The following WRAP53 variants were observed in gnomAD, a reference collection of about 807,000 sequenced individuals.
WRAP53 encodes the protein WD repeat containing antisense to TP53.
WRAP53 carries 28 observed loss-of-function variants against 56.6 expected under a neutral mutation model. That is an observed-to-expected ratio of 0.50 (90% CI 0.37 to 0.68). WRAP53 has a LOEUF of 0.68. Ranked by LOEUF, WRAP53 falls within the 30% of genes least tolerant of loss-of-function variation. The pLI is 0.00. For synonymous variants in WRAP53, 283 were observed against 283.4 expected, an observed-to-expected ratio of 1.00 and a Z score of 0.01; for missense variants, 671 against 715.5, an observed-to-expected ratio of 0.94 and a Z score of 0.71.
At chr17:7,692,807 A>G (rs11651093) in intron 4 of WRAP53, among the ~76,000 whole-genome samples, 7,247 of 130,830 alleles carry the variant, frequency 0.055, 425 homozygotes, top group African/African-American at 0.17. Context: ...GCTGGAGTGC[A>G]GTGGCGCCAT....
rs2074244101 is a variant in WRAP53, at chr17:7,699,515, T to TAA, written c.643-1225_643-1224insAA. 1.2e-4 allele frequency among the ~76,000 whole-genome samples: 3 copies of TAA among 25,962 alleles called. 1 individual carries two copies. The highest frequency in any genetic ancestry group is 1.1e-3 in the South Asian group (1 of 880). The allele number at this position is 25,962 out of a possible 152,430, so 17.0% of individuals were successfully genotyped here. A position where few individuals can be genotyped will look rare whatever the true frequency, so the allele number is the denominator to read the frequency against. ...ATATATATATATTTATATATATATATATATATTTATATATATATATATATT... is the reference window on the plus strand; with the variant it reads ...ATATATATATATTTATATATATATATAAATATATTTATATATATATATATATT... On this transcript the variant is annotated intron_variant, in intron 4 of 10. Transcript: ENST00000396463.
Position 7,691,534 on chromosome 17 carries a change from C to T in WRAP53, c.642+1833C>T, listed in dbSNP as rs530433795. On this transcript the variant is annotated intron_variant, in intron 4 of 10. Coordinates refer to ENST00000396463, the MANE Select transcript of WRAP53 (RefSeq NM_001143992.2). ...CCTCCCGAGTAGCTGGGATTACAGG[C>T]ACCCGCCACCATGCCCAGCTAATTT... is the stretch of plus-strand genomic sequence containing the variant. 2.0e-5 allele frequency among the ~76,000 whole-genome samples: 3 copies of T among 151,730 alleles called. No homozygotes were observed. In the South Asian group the frequency reaches 6.3e-4, roughly 32 times the overall value.
intron 4 of WRAP53, among the ~76,000 whole-genome samples, chr17:7,700,494 AAAC>A (rs900762840): frequency 1.3e-5 from 2 of 151,716 alleles, no homozygotes; most frequent in Non-Finnish European, 2.9e-5. Flanking sequence ...TTAAAAAAAA[AAAC>A]AAAAACAAAA....
chr17:7,697,526 G>A (rs960766606), intron 4 of WRAP53, among the ~76,000 whole-genome samples: 2 of 152,060 alleles, frequency 1.3e-5, no homozygotes, highest in South Asian at 4.1e-4. Flanking sequence ...GGGCGTGGTG[G>A]CAAATGCCTG....
chr17:7,692,096 T>G (rs906748844), intron 4 of WRAP53, among the ~76,000 whole-genome samples: 1 of 151,240 alleles, frequency 6.6e-6, no homozygotes, highest in African/African-American at 2.4e-5. Flanking sequence ...CACCTTGGCC[T>G]CCCAAAGTGC....
Position 7,689,013 on chromosome 17 carries a change from A to G in WRAP53, c.365A>G (p.Glu122Gly), listed in dbSNP as rs1318273946. 1.9e-6 allele frequency: 3 copies of G among 1,614,130 alleles called. No individual in the cohort carries two copies. Among genetic ancestry groups the G allele is most frequent in the Non-Finnish European group, 2.5e-6 (3 of 1,180,014 alleles). Residue 122 changes from glutamate (E) to glycine (G), a missense_variant, in exon 2 of 11, where the codon GAG becomes GGG. Physicochemically the swap from Glu to Gly is moderately conservative, Grantham distance 98 (BLOSUM62 -2). Around this residue, in one of 3 missense-constraint regions of WRAP53, gnomAD observed 406 missense variants for 418.5 expected, o/e 0.97. Transcript: ENST00000396463. ...SLSEEEANGPELGSGKAMEDT... is the reference protein window; with the variant it reads ...SLSEEEANGPGLGSGKAMEDT... ...TCTGAAGAAGAAGCGAACGGGCCAGAGTTGGGGTCTGGAAAAGCCATGGAA... is the reference window on the plus strand; with the variant it reads ...TCTGAAGAAGAAGCGAACGGGCCAGGGTTGGGGTCTGGAAAAGCCATGGAA...
chr17:7,696,588 G>C (rs1190449407), intron 4 of WRAP53, among the ~76,000 whole-genome samples: 1 of 152,104 alleles, frequency 6.6e-6, no homozygotes, highest in Non-Finnish European at 1.5e-5. Context: ...GTGAGCCACT[G>C]CGCCCGGTCA....
intron 4 of WRAP53, among the ~76,000 whole-genome samples, chr17:7,694,242 CTTTTTTTTT>C (rs749740076): frequency 1.3e-4 from 16 of 122,582 alleles, no homozygotes; most frequent in Admixed American, 7.4e-4. Flanking sequence ...TTTTTTCTTT[CTTTTTTTTT>C]TTTTTTTTTT....
Position 7,702,461 on chromosome 17 carries a change from C to G in WRAP53, c.1073C>G (p.Ser358Cys). 6.2e-7 allele frequency: 1 copy of G among 1,614,038 alleles called. No homozygotes were observed. ...SLGLYAWDDG[S>C]PLALLGGHQG... ...GGTCTGTATGCCTGGGATGATGGCT[C>G]CCCTCTCGCCTTGCTGGGAGGGCAC... Residue 358 changes from serine (S) to cysteine (C), a missense_variant, in exon 8 of 11, where the codon TCC (serine) becomes TGC (cysteine). Ser to Cys is a moderately radical substitution (Grantham distance 112). Coordinates refer to ENST00000396463, the MANE Select transcript of WRAP53 (RefSeq NM_001143992.2). The surrounding 1 kb of genome is among the most constrained non-coding windows in gnomAD (Gnocchi z 5.0).
In WRAP53 at chr17:7,689,611, C is replaced by A. The variant is rs1415357084; in HGVS notation, c.552C>A (p.Ile184=). 1 of 1,614,144 alleles carries A rather than the reference C, an allele frequency of 6.2e-7. No homozygotes were observed. The highest frequency in any genetic ancestry group is 8.5e-7 in the Non-Finnish European group (1 of 1,180,020). ...CTAGGGCTCCTGACGGTTCCTGCAT[C>A]TTGACCAATAGTGCTGATAACATCT... ...GCKWAPDGSC[I]LTNSADNILR... is the part of the protein sequence containing the mutation. Residue 184 remains isoleucine (I), a synonymous_variant, in exon 4 of 11, where the codon ATC becomes ATA. Transcript: ENST00000396463.
At chr17:7,699,411 C>T (rs1360911683) in intron 4 of WRAP53, among the ~76,000 whole-genome samples, 1 of 132,754 alleles carries the variant, frequency 7.5e-6, no homozygotes, top group Non-Finnish European at 1.6e-5. Flanking sequence ...CAGAGTGAGA[C>T]TCTGCCTTTA....
chr17:7,692,965 T>A (rs899821021), intron 4 of WRAP53, among the ~76,000 whole-genome samples: 7 of 151,336 alleles, frequency 4.6e-5, no homozygotes, highest in Admixed American at 1.3e-4. Context: ...ATGGTCTCGA[T>A]CTCCTGACCT....
At position 7,702,644 on chromosome 17, in the gene WRAP53, G is replaced by A. The variant is rs2074290875; in HGVS notation, c.1164+92G>A. On this transcript the variant is annotated intron_variant, in intron 8 of 10. Coordinates refer to ENST00000396463, the MANE Select transcript of WRAP53 (RefSeq NM_001143992.2). This position sits in a 1 kb window ranked among gnomAD's most constrained non-coding sequence, Gnocchi z 5.0. ...AGTGTAGGGGAATGGGTGGGGATGG[G>A]GAAAAAATCCCAAGCTGAAGGAGTG... The A allele has an allele frequency of 3.8e-6, 6 of 1,596,940 alleles. No individual in the cohort carries two copies. The South Asian group carries it at 6.6e-5, about 18-fold the overall frequency.
chr17:7,703,139 A>G lies in WRAP53; in HGVS notation c.1403+12A>G, dbSNP rs1057040687. 6.2e-7 allele frequency: 1 copy of G among 1,613,892 alleles called. No homozygotes were observed. Among genetic ancestry groups the G allele is most frequent in the Non-Finnish European group, 8.5e-7 (1 of 1,180,020 alleles). The stretch of plus-strand genomic sequence containing the variant: ...ACCAATGGCGTGAGGTCCTCAGTTC[A>G]ATTCCAGAGATGTTGGGGCTTGGGT... On this transcript the variant is annotated intron_variant, in intron 10 of 10. Transcript: ENST00000396463.
At position 7,702,980 on chromosome 17, in the gene WRAP53, C is replaced by T. The variant is rs371953585; in HGVS notation, c.1269-13C>T. 4.6e-5 allele frequency: 74 copies of T among 1,613,598 alleles called. 1 individual carries two copies. In the African/African-American group the frequency reaches 8.8e-4, roughly 19 times the overall value. ...TGAGGCCTCTGCCAGCAAATCTCTCCTCTCTCTCGCAGGACCGGGCAGTTC... is the reference window on the plus strand; with the variant it reads ...TGAGGCCTCTGCCAGCAAATCTCTCTTCTCTCTCGCAGGACCGGGCAGTTC... On this transcript the variant is annotated splice_polypyrimidine_tract_variant and intron_variant, in intron 9 of 10. Transcript: ENST00000396463. This position sits in a 1 kb window ranked among gnomAD's most constrained non-coding sequence, Gnocchi z 5.0.
intron 4 of WRAP53, among the ~76,000 whole-genome samples, chr17:7,696,594 G>T (rs553487444): frequency 3.9e-5 from 6 of 152,012 alleles, no homozygotes; most frequent in Admixed American, 3.9e-4. Context: ...CACTGCGCCC[G>T]GTCAGGACTC....
intron 4 of WRAP53, among the ~76,000 whole-genome samples, chr17:7,693,997 G>T (rs1453952345): frequency 6.6e-6 from 1 of 151,794 alleles, no homozygotes; most frequent in Non-Finnish European, 1.5e-5. Context: ...AAATAGCAGA[G>T]CAGGGTCAGG....
rs1489190904 is a variant in WRAP53 at position 7,703,130 on chromosome 17, C to T, written c.1403+3C>T. 8.7e-6 allele frequency: 14 copies of T among 1,614,044 alleles called. No homozygotes were observed. The highest frequency in any genetic ancestry group is 1.1e-5 in the Non-Finnish European group (13 of 1,180,020). On this transcript the variant is annotated splice_donor_region_variant and intron_variant, in intron 10 of 10. Coordinates refer to ENST00000396463, the MANE Select transcript of WRAP53 (RefSeq NM_001143992.2). ...AAGGACTGCACCAATGGCGTGAGGT[C>T]CTCAGTTCAATTCCAGAGATGTTGG...
chr17:7,695,099 C>T (rs922573693), intron 4 of WRAP53, among the ~76,000 whole-genome samples: 2 of 152,064 alleles, frequency 1.3e-5, no homozygotes, highest in South Asian at 4.2e-4. Flanking sequence ...ACTACACGCA[C>T]CCACTGCCAC....
Sources: gnomAD v4.1 joint callset for allele counts (sites outside exome capture counted in the v4.1 genomes callset) on GRCh38, gnomAD v4.1.1 for gene constraint, gnomAD v4.1.1 regional missense constraint, Gnocchi (gnomAD v3.1) non-coding constraint, MANE v1.5 for transcripts, NCBI Gene and HGNC (gene_info 2026-07-23, HGNC 2026-07-21) for gene names.